PRLR: variants seen among roughly 807,000 people sequenced by gnomAD.
PRLR encodes prolactin receptor.
A neutral mutation model predicts 40.2 loss-of-function variants in PRLR; 13 were observed. That is an observed-to-expected ratio of 0.32 (90% CI 0.21 to 0.51). The LOEUF is 0.51. Among genes scored for constraint, PRLR ranks in the 20% least tolerant of loss-of-function variants. PRLR has a pLI of 0.97. For missense variants in PRLR, 656 were observed against 747.3 expected, an observed-to-expected ratio of 0.88 and a Z score of 1.42; for synonymous variants, 269 against 278.7, an observed-to-expected ratio of 0.97 and a Z score of 0.35.
chr5:35,086,484 G>T, intron 3 of PRLR, 144 bp from the exon 4 acceptor site: 1 of 992,798 alleles, frequency 1.0e-6, no homozygotes, highest in Non-Finnish European at 1.5e-6. Flanking sequence ...GCTCAGGAAT[G>T]CCAAGCATCA....
chr5:35,122,315 T>C (rs1401753038), intron 1 of PRLR, among the ~76,000 whole-genome samples: 1 of 152,128 alleles, frequency 6.6e-6, no homozygotes, highest in Non-Finnish European at 1.5e-5. Context: ...ACATGTGCCA[T>C]GGTGGTTTGC....
chr5:35,229,229 T>C (rs1348540801), intron 1 of PRLR, among the ~76,000 whole-genome samples: 1 of 151,498 alleles, frequency 6.6e-6, no homozygotes, highest in Non-Finnish European at 1.5e-5. Context: ...CAGCTGATGG[T>C]CAGGATTGGG....
intron 1 of PRLR, among the ~76,000 whole-genome samples, chr5:35,189,655 A>G (rs1311229455): frequency 6.6e-6 from 1 of 151,928 alleles, no homozygotes. Context: ...AGAGTTCACT[A>G]TTACTGATAA....
At chr5:35,108,807 T>A (rs982594922) in intron 2 of PRLR, among the ~76,000 whole-genome samples, 2 of 152,180 alleles carry the variant, frequency 1.3e-5, no homozygotes, top group Non-Finnish European at 2.9e-5. Context: ...AATTTCTAGA[T>A]TCAATGCCAT....
chr5:35,073,814 G>A (rs1361402879), intron 5 of PRLR, among the ~76,000 whole-genome samples: 1 of 152,158 alleles, frequency 6.6e-6, no homozygotes, highest in African/African-American at 2.4e-5. Context: ...TTAGCCTTCT[G>A]GGGAATGCAA....
chr5:35,137,104 A>C (rs948155991), intron 1 of PRLR, among the ~76,000 whole-genome samples: 38 of 152,290 alleles, frequency 2.5e-4, no homozygotes, highest in African/African-American at 8.9e-4. Flanking sequence ...ACGTTTACTG[A>C]GGGTGAGGAC....
At chr5:35,157,017 G>A (rs1359481960) in intron 1 of PRLR, among the ~76,000 whole-genome samples, 2 of 151,942 alleles carry the variant, frequency 1.3e-5, no homozygotes, top group African/African-American at 4.8e-5. Context: ...ATGGTCCAGA[G>A]CTTGAAACAG....
At chr5:35,176,248 T>C (rs554271191) in intron 1 of PRLR, among the ~76,000 whole-genome samples, 23 of 152,370 alleles carry the variant, frequency 1.5e-4, no homozygotes, top group African/African-American at 5.5e-4. Flanking sequence ...AATCAAGGAC[T>C]AATTTCAGTA....
rs764216661 is a variant in PRLR at position 35,065,384 on chromosome 5, G to T, written c.1574C>A (p.Pro525Gln). 8.1e-6 allele frequency: 13 copies of T among 1,613,970 alleles called. No homozygotes were observed. The East Asian group carries it at 1.1e-4, about 14-fold the overall frequency. The change falls in exon 10 of 10, where the codon CCA becomes CAA. Residue 525 changes from proline (P) to glutamine (Q), a missense_variant. Transcript: ENST00000618457. ...VNKDGALSLL[P>Q]KQRENSGKPK... ...CTTGCCGCTGTTCTCTCTCTGTTTT[G>T]GTAGCAATGATAATGCACCATCTTT... is the stretch of plus-strand genomic sequence containing the variant.
chr5:35,081,738 C>T (rs2112444785), intron 5 of PRLR: 1 of 152,160 alleles, frequency 6.6e-6, no homozygotes, highest in Admixed American at 6.6e-5. Context: ...CATTGTTTTA[C>T]CTTCAAATAT....
chr5:35,155,403 T>C (rs567930705), intron 1 of PRLR, among the ~76,000 whole-genome samples: 1 of 152,178 alleles, frequency 6.6e-6, no homozygotes, highest in South Asian at 2.1e-4. Context: ...CTTATTAATT[T>C]CAGAATATAA....
intron 1 of PRLR, among the ~76,000 whole-genome samples, chr5:35,223,035 C>T (rs1280960970): frequency 6.6e-6 from 1 of 152,224 alleles, no homozygotes; most frequent in Non-Finnish European, 1.5e-5. Context: ...CCAAAGTACA[C>T]AGAGGACAAG....
intron 1 of PRLR, among the ~76,000 whole-genome samples, chr5:35,140,026 G>A (rs1773971307): frequency 6.6e-6 from 1 of 152,146 alleles, no homozygotes. Context: ...TAAAGAATTA[G>A]AATTAACACA....
At chr5:35,126,472 A>G (rs1267481313) in intron 1 of PRLR, among the ~76,000 whole-genome samples, 1 of 152,162 alleles carries the variant, frequency 6.6e-6, no homozygotes, top group Non-Finnish European at 1.5e-5. Flanking sequence ...TCAATCATTC[A>G]TTTTAATTTT....
At chr5:35,200,409 A>G (rs1775848663) in intron 1 of PRLR, among the ~76,000 whole-genome samples, 1 of 152,248 alleles carries the variant, frequency 6.6e-6, no homozygotes. Flanking sequence ...CTCTGAGGGC[A>G]GACTCAATCT....
intron 4 of PRLR, among the ~76,000 whole-genome samples, chr5:35,085,528 T>C (rs61106355): frequency 0.018 from 2,682 of 152,298 alleles, 83 homozygotes; most frequent in African/African-American, 0.061. Context: ...CCAATATGTC[T>C]TCTAGGAGAT....
intron 1 of PRLR, among the ~76,000 whole-genome samples, chr5:35,184,292 T>C (rs1007385375): frequency 4.6e-5 from 7 of 152,224 alleles, no homozygotes; most frequent in Admixed American, 3.3e-4. Flanking sequence ...GGTGGGAGGA[T>C]TGCCTGAGCT....
At chr5:35,110,694 G>A (rs935891632) in intron 2 of PRLR, among the ~76,000 whole-genome samples, 1 of 152,130 alleles carries the variant, frequency 6.6e-6, no homozygotes, top group Non-Finnish European at 1.5e-5. Flanking sequence ...GGGAATCTTA[G>A]CCTTCCCACC....
intron 1 of PRLR, among the ~76,000 whole-genome samples, chr5:35,125,026 A>G (rs1000453022): frequency 2.0e-5 from 3 of 152,224 alleles, no homozygotes; most frequent in Admixed American, 6.5e-5. Context: ...GCAGATCTAT[A>G]TCTAGAGTGG....
Sources: gnomAD v4.1 joint callset for allele counts (sites outside exome capture counted in the v4.1 genomes callset) on GRCh38, gnomAD v4.1.1 for gene constraint, MANE v1.5 for transcripts, NCBI Gene and HGNC (gene_info 2026-07-23, HGNC 2026-07-21) for gene names.